DGKI: variants seen among roughly 807,000 people sequenced by gnomAD.
The protein encoded by DGKI is diacylglycerol kinase iota, also known as DAG kinase iota.
DGKI carries 55 observed loss-of-function variants against 147.5 expected under a neutral mutation model. The ratio of observed to expected loss-of-function variants is 0.37; its 90% confidence interval spans 0.30 to 0.47. DGKI has a LOEUF of 0.47. Ranked by LOEUF, DGKI falls within the 20% of genes least tolerant of loss-of-function variation. The pLI is 1.00. For synonymous variants in DGKI, 469 were observed against 477.1 expected (o/e 0.98, Z 0.22); for missense variants, 1,007 against 1,323.8 (o/e 0.76, Z 3.71).
intron 20 of DGKI, among the ~76,000 whole-genome samples, chr7:137,529,162 G>A (rs1817251367): frequency 6.6e-6 from 1 of 152,024 alleles, no homozygotes; most frequent in Non-Finnish European, 1.5e-5. Flanking sequence ...AGCCTCCATG[G>A]AAATTTGTAA....
chr7:137,523,640 T>C (rs1038605216), intron 20 of DGKI, among the ~76,000 whole-genome samples: 61 of 152,152 alleles, frequency 4.0e-4, no homozygotes, highest in African/African-American at 1.4e-3. Flanking sequence ...ATTCAACAGC[T>C]ATACCGATCC....
chr7:137,446,710 G>A (rs1005075949), intron 27 of DGKI, among the ~76,000 whole-genome samples: 3 of 152,130 alleles, frequency 2.0e-5, no homozygotes, highest in East Asian at 3.8e-4. Flanking sequence ...TGGGTGACAA[G>A]AGTAAAACTC....
intron 23 of DGKI, among the ~76,000 whole-genome samples, chr7:137,480,525 A>T (rs1006394923): frequency 6.6e-6 from 1 of 152,164 alleles, no homozygotes; most frequent in African/African-American, 2.4e-5. Flanking sequence ...CCTCCAGAAG[A>T]GCAGGCATGT....
chr7:137,564,432 G>C (rs1161533060), intron 19 of DGKI, among the ~76,000 whole-genome samples: 1 of 151,504 alleles, frequency 6.6e-6, no homozygotes, highest in Non-Finnish European at 1.5e-5. Context: ...AACACAAAAA[G>C]GAAAAGTATA....
chr7:137,499,180 C>T (rs1238545907), intron 21 of DGKI, among the ~76,000 whole-genome samples: 1 of 152,130 alleles, frequency 6.6e-6, no homozygotes, highest in Non-Finnish European at 1.5e-5. Flanking sequence ...TAAATATATA[C>T]CTATCAAGAG....
chr7:137,400,084 T>C (rs1443958012), intron 30 of DGKI, among the ~76,000 whole-genome samples: 1 of 152,094 alleles, frequency 6.6e-6, no homozygotes, highest in Non-Finnish European at 1.5e-5. Flanking sequence ...TGAAGGAATG[T>C]GGTATGAAAG....
In DGKI at chr7:137,662,240, C is replaced by CTTTTTTT. The variant is rs1170356266; in HGVS notation, c.607-5707_607-5701dup. Reference sequence around the variant, plus strand: ...GGCCGGCTGAAGTTCCAGCACACTCCTTTTTTTTTTTTTTTTTTTCGAGAC... The same window carrying CTTTTTTT: ...GGCCGGCTGAAGTTCCAGCACACTCCTTTTTTTTTTTTTTTTTTTTTTTTTTCGAGAC... On this transcript the variant is annotated intron_variant, in intron 3 of 32. Transcript: ENST00000614521. Among the ~76,000 whole-genome samples, 349 of 126,414 alleles carry CTTTTTTT rather than the reference C, an allele frequency of 2.8e-3. 3 individuals are homozygous for CTTTTTTT. Among genetic ancestry groups the CTTTTTTT allele is most frequent in the Middle Eastern group, 0.012 (3 of 244 alleles). The allele number at this position is 126,414 out of a possible 152,430, so 82.9% of individuals were successfully genotyped here. A position where few individuals can be genotyped will look rare whatever the true frequency, so the allele number is the denominator to read the frequency against.
Position 137,485,401 on chromosome 7 carries a change from A to T in DGKI, c.2346T>A (p.Ser782=). The change falls in exon 23 of 33, where the codon TCT becomes TCA. Residue 782 remains serine (S), a synonymous_variant. Transcript: ENST00000614521. ...GGTAATGAACTCTCTGGGAGCCAGAAGAAACTGACTGTAGGTCCTAATGAG... is the reference window on the plus strand; with the variant it reads ...GGTAATGAACTCTCTGGGAGCCAGATGAAACTGACTGTAGGTCCTAATGAG... The part of the protein sequence containing the change: ...DRLQEDLQSV[S]SGSQRVHYQD... The T allele has an allele frequency of 1.9e-6, 3 of 1,609,926 alleles. No homozygotes were observed. The highest frequency in any genetic ancestry group is 3.3e-4 in the Middle Eastern group (2 of 6,046).
intron 16 of DGKI, among the ~76,000 whole-genome samples, chr7:137,577,814 C>T (rs1304488052): frequency 6.6e-6 from 1 of 152,176 alleles, no homozygotes; most frequent in Non-Finnish European, 1.5e-5. Context: ...AAAAAGAAGG[C>T]ACTCCCTTTA....
chr7:137,406,656 A>G (rs1013370822), intron 30 of DGKI, among the ~76,000 whole-genome samples: 1 of 152,238 alleles, frequency 6.6e-6, no homozygotes, highest in African/African-American at 2.4e-5. Flanking sequence ...TGTGTTTACT[A>G]TAAACAATTG....
intron 29 of DGKI, among the ~76,000 whole-genome samples, chr7:137,409,385 G>T (rs867585335): frequency 3.3e-5 from 5 of 152,278 alleles, no homozygotes; most frequent in South Asian, 2.1e-4. Context: ...GCCCATGGTG[G>T]AGACGGATAG....
intron 6 of DGKI, among the ~76,000 whole-genome samples, 192 bp from the exon 7 acceptor site, chr7:137,623,746 T>A (rs748868425): frequency 6.6e-6 from 1 of 152,182 alleles, no homozygotes; most frequent in African/African-American, 2.4e-5. Flanking sequence ...GATTTTCTAA[T>A]CCTGAAGCAT....
At chr7:137,429,398 T>C (rs959634386) in intron 28 of DGKI, among the ~76,000 whole-genome samples, 3 of 151,970 alleles carry the variant, frequency 2.0e-5, no homozygotes, top group Non-Finnish European at 4.4e-5. Context: ...ATACAAAAAT[T>C]AATTCAAGAT....
At chr7:137,428,377 A>T (rs1389039958) in intron 28 of DGKI, among the ~76,000 whole-genome samples, 1 of 152,196 alleles carries the variant, frequency 6.6e-6, no homozygotes, top group Non-Finnish European at 1.5e-5. Flanking sequence ...ACTCTCAATA[A>T]ATTAGGTATT....
intron 1 of DGKI, among the ~76,000 whole-genome samples, chr7:137,820,785 C>T (rs1797873039): frequency 6.6e-6 from 1 of 152,122 alleles, no homozygotes; most frequent in Admixed American, 6.5e-5. Flanking sequence ...AATTAGCCAG[C>T]TGGCAGCAAC....
chr7:137,668,113 C>A (rs992750166), intron 3 of DGKI, among the ~76,000 whole-genome samples: 6 of 152,186 alleles, frequency 3.9e-5, no homozygotes, highest in Admixed American at 3.9e-4. Context: ...TTCCTCTTTT[C>A]TTTGCTAGTG....
intron 1 of DGKI, among the ~76,000 whole-genome samples, chr7:137,713,018 T>C (rs887075405): frequency 3.3e-5 from 5 of 152,214 alleles, no homozygotes; most frequent in Admixed American, 2.6e-4. Flanking sequence ...GCACAAGTGG[T>C]GAAAGGCTAA....
At chr7:137,404,167 A>G (rs1191664374) in intron 30 of DGKI, among the ~76,000 whole-genome samples, 1 of 152,220 alleles carries the variant, frequency 6.6e-6, no homozygotes, top group Non-Finnish European at 1.5e-5. Flanking sequence ...TATCATCTAA[A>G]AGAGAGGAAT....
intron 8 of DGKI, among the ~76,000 whole-genome samples, chr7:137,613,397 T>C (rs980235764): frequency 2.0e-5 from 3 of 152,066 alleles, no homozygotes; most frequent in African/African-American, 7.2e-5. Flanking sequence ...TTCCAAAAGT[T>C]ACAGACAGGG....
Sources: gnomAD v4.1 joint callset for allele counts (sites outside exome capture counted in the v4.1 genomes callset) on GRCh38, gnomAD v4.1.1 for gene constraint, MANE v1.5 for transcripts, NCBI Gene and HGNC (gene_info 2026-07-23, HGNC 2026-07-21) for gene names.